Variants in MTUS2 observed in about 807,000 individuals in gnomAD.
MTUS2 encodes microtubule-associated tumor suppressor candidate 2.
Under a neutral mutation model 114.1 loss-of-function variants are expected in MTUS2, and 40 were observed. That is an observed-to-expected ratio of 0.35 (90% confidence interval 0.27 to 0.46). The LOEUF (loss-of-function observed/expected upper bound fraction) is 0.46. MTUS2 is among the 20% of genes least tolerant of loss of function. The probability of loss-of-function intolerance (pLI) is 1.00; values close to 1 mark genes in which losing one functional copy is unlikely to be tolerated. For synonymous variants in MTUS2, 688 were observed against 672.0 expected, an observed-to-expected ratio of 1.02 and a Z score of -0.37; for missense variants, 1,679 against 1,705.4, an observed-to-expected ratio of 0.98 and a Z score of 0.27.
At position 29,239,077 on chromosome 13, in the gene MTUS2, A is replaced by C. The variant is rs191506366; in HGVS notation, c.2645-42627A>C. Among the ~76,000 whole-genome samples the C allele has an allele frequency of 3.7e-4, 56 of 152,318 alleles. No homozygotes were observed. In the East Asian group the frequency reaches 7.1e-3, roughly 19 times the overall value. Reference sequence around the variant, plus strand: ...TTAACAGTGCCATATTCTACACTTGAAACTTGCTGAGAGTCATCCCCAAGT... The same window carrying C: ...TTAACAGTGCCATATTCTACACTTGCAACTTGCTGAGAGTCATCCCCAAGT... On this transcript the variant is annotated intron_variant, in intron 5 of 15. Coordinates refer to ENST00000612955, the MANE Select transcript of MTUS2 (RefSeq NM_001033602.4).
intron 2 of MTUS2, among the ~76,000 whole-genome samples, chr13:29,016,734 T>C (rs912894512): frequency 4.6e-5 from 7 of 152,194 alleles, no homozygotes; most frequent in Non-Finnish European, 8.8e-5. Flanking sequence ...GTTTATATAT[T>C]AGAATAAAAT....
intron 5 of MTUS2, among the ~76,000 whole-genome samples, chr13:29,252,797 T>G (rs1005166231): frequency 2.6e-5 from 4 of 152,126 alleles, no homozygotes; most frequent in African/African-American, 9.7e-5. Flanking sequence ...GGGTTTCCCC[T>G]TTCACTTGGC....
At chr13:28,904,239 T>C (rs1879835227) in intron 2 of MTUS2, among the ~76,000 whole-genome samples, 1 of 152,206 alleles carries the variant, frequency 6.6e-6, no homozygotes, top group African/African-American at 2.4e-5. Flanking sequence ...TAGTTTCTTT[T>C]GCTGTGCAGA....
At chr13:29,501,777 C>T (rs1452565663) in intron 15 of MTUS2, among the ~76,000 whole-genome samples, 1 of 152,186 alleles carries the variant, frequency 6.6e-6, no homozygotes, top group African/African-American at 2.4e-5. Context: ...CAATGCTCAC[C>T]CATGGTGTGT....
At chr13:28,849,729 T>A (rs1876123148) in intron 2 of MTUS2, among the ~76,000 whole-genome samples, 4 of 152,064 alleles carry the variant, frequency 2.6e-5, no homozygotes, top group African/African-American at 7.2e-5. Context: ...CCAGCCAGAC[T>A]TTCCTGCTTC....
chr13:28,976,730 G>T (rs920880125), intron 2 of MTUS2, among the ~76,000 whole-genome samples: 2 of 152,180 alleles, frequency 1.3e-5, no homozygotes, highest in African/African-American at 4.8e-5. Flanking sequence ...GTGAGGGAAT[G>T]ATTATATTAT....
intron 5 of MTUS2, among the ~76,000 whole-genome samples, chr13:29,226,164 C>T (rs1006775771): frequency 3.9e-5 from 6 of 152,128 alleles, no homozygotes; most frequent in South Asian, 2.1e-4. Flanking sequence ...GATAACATTA[C>T]ATATTCTTCA....
At chr13:29,387,990 T>G (rs3121751) in intron 8 of MTUS2, among the ~76,000 whole-genome samples, 17,580 of 152,164 alleles carry the variant, frequency 0.12, 1,068 homozygotes, top group Middle Eastern at 0.19. Context: ...TCTGAACATG[T>G]GTTTACCAGA....
chr13:29,503,342 C>T lies in MTUS2; in HGVS notation c.*136C>T, dbSNP rs1273056407. The stretch of plus-strand genomic sequence containing the variant: ...GCGAATGCATCCTAGGCGCGTCCTC[C>T]TCTGATCCCCGTGTAAGACTGCCCT... On this transcript the variant is annotated 3_prime_UTR_variant, in exon 16 of 16. Transcript: ENST00000612955. The T allele has an allele frequency of 1.1e-6, 1 of 929,312 alleles. No individual in the cohort carries two copies. Among genetic ancestry groups the T allele is most frequent in the Non-Finnish European group, 1.6e-6 (1 of 615,764 alleles). 57.6% of individuals were successfully genotyped at this position (929,312 alleles called of 1,614,324 possible). A position where few individuals can be genotyped will look rare whatever the true frequency, so the allele number is the denominator to read the frequency against.
intron 5 of MTUS2, among the ~76,000 whole-genome samples, chr13:29,204,433 C>G (rs1464376628): frequency 6.6e-6 from 1 of 152,194 alleles, no homozygotes; most frequent in Non-Finnish European, 1.5e-5. Context: ...AAAGTCCCAC[C>G]CAGTGATGCT....
intron 9 of MTUS2, among the ~76,000 whole-genome samples, chr13:29,471,100 T>C (rs1380354365): frequency 2.6e-5 from 4 of 152,144 alleles, no homozygotes; most frequent in Non-Finnish European, 5.9e-5. Context: ...CATAACACTT[T>C]GGGAGGCTGA....
intron 11 of MTUS2, among the ~76,000 whole-genome samples, chr13:29,491,812 TG>T (rs1328965695): frequency 1.8e-5 from 2 of 109,240 alleles, no homozygotes; most frequent in African/African-American, 3.1e-5. Flanking sequence ...GTGATGTGTG[TG>T]GGGTAGGTGT....
At chr13:29,372,462 A>G (rs1226392536) in intron 8 of MTUS2, among the ~76,000 whole-genome samples, 2 of 152,066 alleles carry the variant, frequency 1.3e-5, no homozygotes, top group Admixed American at 6.5e-5. Flanking sequence ...ATCCTAGGTA[A>G]CAATTATTAT....
At position 28,970,388 on chromosome 13, in the gene MTUS2, C is replaced by T. The variant is rs373916053; in HGVS notation, c.-242-54069C>T. Among the ~76,000 whole-genome samples the T allele has an allele frequency of 2.0e-4, 30 of 152,240 alleles. 1 individual carries two copies. The highest frequency in any genetic ancestry group is 1.5e-3 in the East Asian group (8 of 5,176). ...GGTTGGCAACCTATGGCCCATAGAC[C>T]ACATCTGTCCTGCCACCTGTATTTG... On this transcript the variant is annotated intron_variant, in intron 2 of 15. Transcript: ENST00000612955.
At chr13:29,044,779 C>G (rs1452894668) in intron 4 of MTUS2, among the ~76,000 whole-genome samples, 1 of 152,122 alleles carries the variant, frequency 6.6e-6, no homozygotes, top group Non-Finnish European at 1.5e-5. Flanking sequence ...ATTCTCTGCT[C>G]AAATTATCAC....
chr13:29,020,513 C>T (rs1028805579), intron 2 of MTUS2, among the ~76,000 whole-genome samples: 15 of 152,064 alleles, frequency 9.9e-5, no homozygotes, highest in African/African-American at 2.7e-4. Flanking sequence ...GTGAGGGAGA[C>T]GCGTGAGGCC....
intron 6 of MTUS2, 145 bp from the exon 7 acceptor site, chr13:29,324,468 T>G (rs1900395411): frequency 1.6e-6 from 1 of 617,258 alleles, no homozygotes; most frequent in South Asian, 1.9e-5. Flanking sequence ...GCACAGGGGG[T>G]GGTGACCATA....
intron 2 of MTUS2, among the ~76,000 whole-genome samples, chr13:29,003,545 C>A (rs1282440815): frequency 6.6e-6 from 1 of 152,236 alleles, no homozygotes; most frequent in Non-Finnish European, 1.5e-5. Flanking sequence ...GCTATTTATT[C>A]TGCCCCAACT....
rs775865625 is a variant in MTUS2 at position 29,025,783 on chromosome 13, A to G, written c.1085A>G (p.His362Arg). The change falls in exon 3 of 16, where the codon CAT becomes CGT. Residue 362 changes from histidine to arginine, a missense_variant. Transcript: ENST00000612955. ...CCGGAAGCCACCGATGCACTTGGCC[A>G]TCTGCTGAACAGTGACCTCCACCAC... ...AHPEATDALG[H>R]LLNSDLHHLG... is the part of the protein sequence containing the mutation. 2 of 1,614,008 alleles carry G rather than the reference A, an allele frequency of 1.2e-6. No individual in the cohort carries two copies. Among genetic ancestry groups the G allele is most frequent in the Non-Finnish European group, 1.7e-6 (2 of 1,179,888 alleles).
Sources: allele counts gnomAD v4.1 joint callset (sites outside exome capture counted in the v4.1 genomes callset), GRCh38; gene constraint gnomAD v4.1.1; transcripts MANE v1.5; gene names NCBI Gene and HGNC (gene_info 2026-07-23, HGNC 2026-07-21).